UPF2: variants seen among roughly 807,000 people sequenced by gnomAD.
UPF2 encodes regulator of nonsense transcripts 2.
In UPF2, 17 loss-of-function variants were observed where a neutral mutation model predicts 141.4. The observed-to-expected ratio is 0.12, with a 90% CI of 0.08 to 0.18. The LOEUF is 0.18. Ranked by LOEUF, UPF2 falls within the 10% of genes least tolerant of loss-of-function variation. The pLI is 1.00. For missense variants in UPF2, 1,152 were observed against 1,515.9 expected (o/e 0.76, Z 3.99); for synonymous variants, 540 against 498.0 (o/e 1.08, Z -1.12).
intron 1 of UPF2, 27 bp from the exon 2 acceptor site, chr10:12,035,468 C>A (rs776175274): frequency 4.0e-6 from 6 of 1,482,544 alleles, no homozygotes; most frequent in African/African-American, 1.4e-5. Flanking sequence ...ATGTCAGTAC[C>A]ATAGATGCAG....
chr10:11,954,351 G>T (rs1188450443), intron 14 of UPF2, among the ~76,000 whole-genome samples: 1 of 151,778 alleles, frequency 6.6e-6, no homozygotes, highest in Non-Finnish European at 1.5e-5. Context: ...AAAAAAATTA[G>T]GCTGGGCACA....
chr10:11,943,273 T>G, intron 16 of UPF2, 105 bp from the exon 17 acceptor site: 1 of 1,018,676 alleles, frequency 9.8e-7, no homozygotes, highest in Non-Finnish European at 1.4e-6. Context: ...TTTATTATTC[T>G]CAAGTTTTAG....
intron 14 of UPF2, among the ~76,000 whole-genome samples, chr10:11,954,694 G>A (rs2131187483): frequency 6.8e-6 from 1 of 147,688 alleles, no homozygotes; most frequent in South Asian, 2.1e-4. Flanking sequence ...CAAGAATTTG[G>A]GCTGGGCGCG....
chr10:11,994,974 TCAAAAAAAA>T (rs1833841894), intron 8 of UPF2, among the ~76,000 whole-genome samples: 1 of 29,882 alleles, frequency 3.3e-5, no homozygotes, highest in African/African-American at 1.4e-4. Flanking sequence ...AGACTCCATC[TCAAAAAAAA>T]AAAAAAAAAA....
intron 8 of UPF2, among the ~76,000 whole-genome samples, chr10:11,996,928 C>T (rs2131259911): frequency 6.6e-6 from 1 of 152,272 alleles, no homozygotes; most frequent in South Asian, 2.1e-4. Flanking sequence ...CCCTCAGAAT[C>T]CTTATCTTTT....
At chr10:12,022,190 T>C (rs941292155) in intron 3 of UPF2, among the ~76,000 whole-genome samples, 4 of 150,394 alleles carry the variant, frequency 2.7e-5, no homozygotes, top group East Asian at 2.0e-4. Context: ...GGAGGGCAGA[T>C]TGTGTGAGCT....
chr10:11,950,654 TCA>T (rs1833062191), intron 15 of UPF2, among the ~76,000 whole-genome samples: 1 of 152,244 alleles, frequency 6.6e-6, no homozygotes, highest in African/African-American at 2.4e-5. Context: ...AGAATACCAT[TCA>T]TGCAGGTTTT....
intron 8 of UPF2, among the ~76,000 whole-genome samples, chr10:11,985,749 C>T (rs1413541300): frequency 6.6e-6 from 1 of 151,970 alleles, no homozygotes; most frequent in Non-Finnish European, 1.5e-5. Flanking sequence ...AAAGTCACAT[C>T]AGTCACATTA....
At position 11,929,975 on chromosome 10, in the gene UPF2, C is replaced by T. The variant is rs780938200; in HGVS notation, c.3699G>A (p.Gln1233=). 1 of 1,614,162 alleles carries T rather than the reference C, an allele frequency of 6.2e-7. No individual in the cohort carries two copies. The highest frequency in any genetic ancestry group is 8.5e-7 in the Non-Finnish European group (1 of 1,180,026). ...QEQEDYQEML[Q]SLAQRPAPAN... is the part of the protein sequence containing the mutation. ...CTGGAGCTGGGCGCTGTGCAAGAGA[C>T]TGCAACATTTCTGTAATTAGGAGCA... The change falls in exon 21 of 22, where the codon CAG becomes CAA. Residue 1233 remains glutamine (Q), a synonymous_variant. Transcript: ENST00000357604.
At chr10:11,995,404 AG>A (rs945171611) in intron 8 of UPF2, among the ~76,000 whole-genome samples, 1 of 152,200 alleles carries the variant, frequency 6.6e-6, no homozygotes, top group African/African-American at 2.4e-5. Context: ...TTCACATGAC[AG>A]GCATTGTGCT....
At position 11,967,607 on chromosome 10, in the gene UPF2, C is replaced by T. The variant is rs186345441; in HGVS notation, c.1954-153G>A. On this transcript the variant is annotated intron_variant, in intron 9 of 21. Transcript: ENST00000357604. Reference sequence around the variant, plus strand: ...GCTTGTTACCCAGGCTGGAGTGCAACGGTGCAATCTTGGCTCACTGCAACC... The same window carrying T: ...GCTTGTTACCCAGGCTGGAGTGCAATGGTGCAATCTTGGCTCACTGCAACC... 9.1e-5 allele frequency among the ~76,000 whole-genome samples: 13 copies of T among 142,274 alleles called. No homozygotes were observed. The East Asian group carries it at 1.9e-3, about 21-fold the overall frequency. The allele number at this position is 142,274 out of a possible 152,430, so 93.3% of individuals were successfully genotyped here.
At chr10:11,942,035 GCA>G (rs1832942321) in intron 18 of UPF2, among the ~76,000 whole-genome samples, 2 of 152,148 alleles carry the variant, frequency 1.3e-5, no homozygotes, top group South Asian at 4.1e-4. Flanking sequence ...TCTATCTTCT[GCA>G]CAGTTTGGCT....
At chr10:11,964,409 A>C (rs1564346950) in intron 10 of UPF2, among the ~76,000 whole-genome samples, 1 of 152,234 alleles carries the variant, frequency 6.6e-6, no homozygotes, top group Admixed American at 6.5e-5. Flanking sequence ...CCACATACAC[A>C]GCAGACATTT....
At chr10:12,029,628 A>G in intron 2 of UPF2, 104 bp from the exon 3 acceptor site, 1 of 1,256,282 alleles carries the variant, frequency 8.0e-7, no homozygotes, top group African/African-American at 1.5e-5. Flanking sequence ...ATCTAAGTAT[A>G]ACAATCTACA....
intron 1 of UPF2, chr10:12,035,730 C>T (rs1279424982): frequency 4.4e-6 from 1 of 225,348 alleles, no homozygotes; most frequent in Non-Finnish European, 8.5e-6. Flanking sequence ...TCCACGTACC[C>T]ATCACTCAGA....
At chr10:11,963,039 A>C (rs1833264560) in intron 11 of UPF2, among the ~76,000 whole-genome samples, 1 of 152,134 alleles carries the variant, frequency 6.6e-6, no homozygotes, top group Admixed American at 6.5e-5. Flanking sequence ...ATTAGGCTAT[A>C]AACTACGTAA....
intron 3 of UPF2, chr10:12,026,609 T>C (rs1032220806): frequency 1.3e-5 from 6 of 449,796 alleles, no homozygotes; most frequent in Non-Finnish European, 2.7e-5. Flanking sequence ...TGTAAAAATA[T>C]AGTAAGAATA....
intron 12 of UPF2, among the ~76,000 whole-genome samples, chr10:11,957,788 C>T (rs1293475151): frequency 1.3e-5 from 2 of 152,058 alleles, no homozygotes; most frequent in Non-Finnish European, 2.9e-5. Context: ...AAAGTGTTGG[C>T]TCATAGGCAT....
At chr10:11,995,117 A>C (rs1014111914) in intron 8 of UPF2, among the ~76,000 whole-genome samples, 2 of 152,062 alleles carry the variant, frequency 1.3e-5, no homozygotes, top group Non-Finnish European at 2.9e-5. Context: ...ACCTCTATCT[A>C]CACAAGGGAA....
Sources: gnomAD v4.1 joint callset for allele counts (sites outside exome capture counted in the v4.1 genomes callset) on GRCh38, gnomAD v4.1.1 for gene constraint, MANE v1.5 for transcripts, NCBI Gene and HGNC (gene_info 2026-07-23, HGNC 2026-07-21) for gene names.